CAGE1: variants seen among roughly 807,000 people sequenced by gnomAD.
CAGE1 encodes cancer antigen 1, also known as cancer-associated gene 1 protein.
Under a neutral mutation model 94.9 loss-of-function variants are expected in CAGE1, and 66 were observed. The observed-to-expected ratio is 0.70, with a 90% confidence interval of 0.57 to 0.85. CAGE1 has a LOEUF of 0.85. CAGE1 is among the 40% of genes least tolerant of loss of function. The pLI is 0.00. For synonymous variants in CAGE1, 319 were observed against 321.0 expected (o/e 0.99, Z 0.07); for missense variants, 865 against 950.4 (o/e 0.91, Z 1.18).
chr6:7,353,471 A>G lies in CAGE1; in HGVS notation c.2369+1570T>C, dbSNP rs147948452. 2.7e-3 allele frequency among the ~76,000 whole-genome samples: 410 copies of G among 152,258 alleles called. 2 individuals are homozygous for G. Among genetic ancestry groups the G allele is most frequent in the African/African-American group, 9.4e-3 (391 of 41,566 alleles). On this transcript the variant is annotated intron_variant, in intron 11 of 13. Transcript: ENST00000502583. ...GTAAACTAGAATGTAAACAGCCACT[A>G]TGGAAAACAGTGTGGAGATTCCTTA...
chr6:7,338,938 C>T (rs529925198), intron 11 of CAGE1: 40 of 1,606,940 alleles, frequency 2.5e-5, no homozygotes, highest in South Asian at 1.8e-4. Flanking sequence ...TTGGGTTCCA[C>T]GATGCTCACG....
intron 11 of CAGE1, among the ~76,000 whole-genome samples, chr6:7,335,229 G>T (rs113912209): frequency 2.0e-5 from 3 of 152,218 alleles, no homozygotes; most frequent in African/African-American, 4.8e-5. Context: ...AATAATCTCC[G>T]CAACTCAAGA....
rs1417439977 is a variant in CAGE1 at position 7,370,049 on chromosome 6, T to G, written c.1763A>C (p.His588Pro). The G allele has an allele frequency of 6.2e-7, 1 of 1,605,918 alleles. No individual in the cohort carries two copies. Among genetic ancestry groups the G allele is most frequent in the Non-Finnish European group, 8.5e-7 (1 of 1,177,528 alleles). Reference protein sequence around the residue: ...SDITKDTKTTHSNLLPDCSPC... With the variant: ...SDITKDTKTTPSNLLPDCSPC... Reference sequence around the variant, plus strand: ...TGAGCAATCCGGGAGCAGATTAGAATGTGTCGTTTTTGTATCCTACATGCA... The same window carrying G: ...TGAGCAATCCGGGAGCAGATTAGAAGGTGTCGTTTTTGTATCCTACATGCA... Residue 588 changes from histidine to proline, a missense_variant, in exon 6 of 14, where the codon CAT becomes CCT. Coordinates refer to ENST00000502583, the MANE Select transcript of CAGE1 (RefSeq NM_001170692.2).
At chr6:7,335,977 A>G (rs1242071072) in intron 11 of CAGE1, among the ~76,000 whole-genome samples, 1 of 152,238 alleles carries the variant, frequency 6.6e-6, no homozygotes, top group African/African-American at 2.4e-5. Context: ...GTTAAATATT[A>G]TATGGACAAA....
Position 7,329,880 on chromosome 6 carries a change from C to G in CAGE1, c.2447G>C (p.Ser816Thr), listed in dbSNP as rs1225494174. The change falls in exon 13 of 14, where the codon AGC becomes ACC. Residue 816 changes from serine (S) to threonine (T), a missense_variant. Coordinates refer to ENST00000502583, the MANE Select transcript of CAGE1 (RefSeq NM_001170692.2). ...REKARKPRSK[S>T]LENHPKSMTM... is the part of the protein sequence containing the mutation. ...CATGGACTTCGGATGATTTTCTAAG[C>G]TTTTTGATCTGTAAGAAATAGAAAG... 1 of 1,432,968 alleles carries G rather than the reference C, an allele frequency of 7.0e-7. No individual in the cohort carries two copies. Among genetic ancestry groups the G allele is most frequent in the South Asian group, 1.2e-5 (1 of 82,256 alleles). 88.8% of individuals were successfully genotyped at this position (1,432,968 alleles called of 1,614,324 possible).
intron 3 of CAGE1, among the ~76,000 whole-genome samples, chr6:7,385,090 C>A (rs1443838730): frequency 6.6e-6 from 1 of 152,116 alleles, no homozygotes; most frequent in African/African-American, 2.4e-5. Flanking sequence ...ACAGCAACCT[C>A]CACCTCCTGG....
Position 7,346,144 on chromosome 6 carries a change from G to A in CAGE1, c.2369+8897C>T, listed in dbSNP as rs1759522173. On this transcript the variant is annotated intron_variant, in intron 11 of 13. Coordinates refer to ENST00000502583, the MANE Select transcript of CAGE1 (RefSeq NM_001170692.2). ...GAATAAAAGAATGGCTACTCCGTAG[G>A]CAAAACAGCCTGATAATTTTTGAAG... is the stretch of plus-strand genomic sequence containing the variant. Among the ~76,000 whole-genome samples, 9 of 152,276 alleles carry A rather than the reference G, an allele frequency of 5.9e-5. 1 individual carries two copies. The South Asian group carries it at 1.9e-3, about 32-fold the overall frequency.
chr6:7,365,620 C>G (rs1474676571), intron 8 of CAGE1, 45 bp from the exon 9 acceptor site: 1 of 1,552,666 alleles, frequency 6.4e-7, no homozygotes, highest in East Asian at 2.3e-5. Flanking sequence ...ATTTCATACT[C>G]CTTGGAATAC....
chr6:7,333,594 G>A (rs4992467), intron 12 of CAGE1, among the ~76,000 whole-genome samples: 73,539 of 144,608 alleles, frequency 0.51, 19,735 homozygotes, highest in African/African-American at 0.71. Flanking sequence ...TTGAGATAAG[G>A]AAAAGAGTTT....
At chr6:7,328,939 T>A (rs1238412555) in intron 13 of CAGE1, among the ~76,000 whole-genome samples, 44 of 144,302 alleles carry the variant, frequency 3.0e-4, no homozygotes, top group Non-Finnish European at 5.4e-4. Context: ...TATATATTTT[T>A]TTTTTTTTTT....
chr6:7,362,531 C>T lies in CAGE1; in HGVS notation c.2193+2937G>A, dbSNP rs1257119578. Among the ~76,000 whole-genome samples, 1 of 152,158 alleles carries T rather than the reference C, an allele frequency of 6.6e-6. No individual in the cohort carries two copies. Among genetic ancestry groups the T allele is most frequent in the Non-Finnish European group, 1.5e-5 (1 of 68,022 alleles). ...GACCCTGTCTCAGGATGGAGGAGGC[C>T]AGGCTGTGAATGGAGCAGATGGCAG... On this transcript the variant is annotated intron_variant, in intron 9 of 13. Coordinates refer to ENST00000502583, the MANE Select transcript of CAGE1 (RefSeq NM_001170692.2). The surrounding 1 kb of genome is among the most constrained non-coding windows in gnomAD (Gnocchi z 4.1).
intron 4 of CAGE1, among the ~76,000 whole-genome samples, chr6:7,375,187 G>A (rs1760694269): frequency 6.6e-6 from 1 of 151,900 alleles, no homozygotes; most frequent in Admixed American, 6.6e-5. Context: ...GAGGCGGGTG[G>A]ATCATGAGGT....
chr6:7,356,068 T>C lies in CAGE1; in HGVS notation c.2255A>G (p.Glu752Gly). The change falls in exon 10 of 14, where the codon GAA becomes GGA. Residue 752 changes from glutamate (E) to glycine (G), a missense_variant. Coordinates refer to ENST00000502583, the MANE Select transcript of CAGE1 (RefSeq NM_001170692.2). ...KENHCNRLIE[E>G]NDKYQRHLGN... ...TAAATGTCTTTGATACTTGTCATTT[T>C]CTTCAATGAGTCTGTTGCAGTGGTT... is the stretch of plus-strand genomic sequence containing the variant. The C allele has an allele frequency of 6.4e-7, 1 of 1,550,742 alleles. No individual in the cohort carries two copies. Among genetic ancestry groups the C allele is most frequent in the South Asian group, 1.2e-5 (1 of 84,018 alleles).
At chr6:7,368,252 C>CA (rs57530544) in intron 7 of CAGE1, among the ~76,000 whole-genome samples, 2,057 of 84,162 alleles carry the variant, frequency 0.024, 48 homozygotes, top group Middle Eastern at 0.042. Flanking sequence ...GACTCTGTCT[C>CA]AAAAAAAAAA....
At chr6:7,345,444 T>A (rs1013581662) in intron 11 of CAGE1, among the ~76,000 whole-genome samples, 3 of 152,166 alleles carry the variant, frequency 2.0e-5, no homozygotes, top group African/African-American at 7.2e-5. Flanking sequence ...GTTTCATTCT[T>A]GAAGTGAGAC....
chr6:7,327,012 G>T, intron 13 of CAGE1, 113 bp from the exon 14 acceptor site: 1 of 740,174 alleles, frequency 1.4e-6, no homozygotes. Context: ...TGCAAAGTAA[G>T]CCTATAGATA....
chr6:7,333,952 G>A (rs1343799795), intron 12 of CAGE1, 70 bp downstream of exon 12: 3 of 994,000 alleles, frequency 3.0e-6, no homozygotes, highest in Admixed American at 4.4e-5. Flanking sequence ...ACAGGCGTGA[G>A]CCACCGCACT....
intron 11 of CAGE1, among the ~76,000 whole-genome samples, chr6:7,345,333 C>T (rs1264596287): frequency 6.6e-6 from 1 of 150,700 alleles, no homozygotes; most frequent in Non-Finnish European, 1.5e-5. Context: ...ACCACTAAAC[C>T]CAGCAGGATG....
intron 13 of CAGE1, among the ~76,000 whole-genome samples, chr6:7,328,902 GTGTGTGTGTGTGTGTGTATA>G (rs1166212200): frequency 3.9e-4 from 36 of 92,872 alleles, no homozygotes; most frequent in African/African-American, 8.1e-4. Flanking sequence ...GTGTGTGTGT[GTGTGTGTGTGTGTGTGTATA>G]TATATATATA....
Sources: allele counts gnomAD v4.1 joint callset (sites outside exome capture counted in the v4.1 genomes callset), GRCh38; gene constraint gnomAD v4.1.1; non-coding constraint Gnocchi (gnomAD v3.1); transcripts MANE v1.5; gene names NCBI Gene and HGNC (gene_info 2026-07-23, HGNC 2026-07-21).